RPS6KC1: variants seen among roughly 807,000 people sequenced by gnomAD.
RPS6KC1 encodes the protein ribosomal protein S6 kinase C1.
Under a neutral mutation model 103.8 loss-of-function variants are expected in RPS6KC1, and 54 were observed. That is an observed-to-expected ratio of 0.52 (90% confidence interval 0.42 to 0.65). RPS6KC1 has a LOEUF of 0.65. RPS6KC1 is among the 30% of genes least tolerant of loss of function. The probability of loss-of-function intolerance (pLI) is 0.00; values close to 1 mark genes in which losing one functional copy is unlikely to be tolerated. For missense variants in RPS6KC1, 1,151 were observed against 1,253.8 expected (o/e 0.92, Z 1.24); for synonymous variants, 439 against 438.7 (o/e 1.00, Z -0.01).
intron 8 of RPS6KC1, among the ~76,000 whole-genome samples, chr1:213,219,761 A>G (rs1438179985): frequency 6.6e-6 from 1 of 151,898 alleles, no homozygotes; most frequent in Non-Finnish European, 1.5e-5. Flanking sequence ...TTGCAACGAC[A>G]AAAACCAAAC....
At chr1:213,151,905 G>A (rs1263766249) in intron 6 of RPS6KC1, among the ~76,000 whole-genome samples, 2 of 122,412 alleles carry the variant, frequency 1.6e-5, no homozygotes, top group Non-Finnish European at 3.5e-5. Flanking sequence ...CCTCCAAGAC[G>A]GGGCGGCTGG....
chr1:213,778,075 A>G, the RPS6KC1 span, among the ~76,000 whole-genome samples: 2 of 152,140 alleles, frequency 1.3e-5, no homozygotes, highest in Non-Finnish European at 2.9e-5. Context: ...CCCAATCATA[A>G]CACGATGCCA....
chr1:213,206,213 A>G (rs139737942), intron 8 of RPS6KC1, among the ~76,000 whole-genome samples: 2 of 152,356 alleles, frequency 1.3e-5, no homozygotes, highest in East Asian at 3.9e-4. Context: ...ATTTTGAAAT[A>G]AAAGGACTAG....
chr1:213,769,362 C>T, the RPS6KC1 span, among the ~76,000 whole-genome samples: 1 of 151,990 alleles, frequency 6.6e-6, no homozygotes, highest in Non-Finnish European at 1.5e-5. Context: ...GGGAGGAGAC[C>T]CAGGAATCTG....
the RPS6KC1 span, among the ~76,000 whole-genome samples, chr1:213,305,096 C>A: frequency 6.6e-6 from 1 of 151,722 alleles, no homozygotes; most frequent in Admixed American, 6.6e-5. Flanking sequence ...CATGCAAAAT[C>A]TTTTTTTTGA....
At chr1:213,727,982 C>T in the RPS6KC1 span, among the ~76,000 whole-genome samples, 1 of 152,012 alleles carries the variant, frequency 6.6e-6, no homozygotes, top group Non-Finnish European at 1.5e-5. Flanking sequence ...CTATCAGACT[C>T]AGGAGAATGG....
At chr1:213,230,608 G>T in intron 9 of RPS6KC1, 64 bp downstream of exon 9, 8 of 1,239,728 alleles carry the variant, frequency 6.5e-6, no homozygotes, top group Non-Finnish European at 8.0e-6. Flanking sequence ...ACTGAGATAG[G>T]CAGGTCACCT....
At chr1:213,860,243 A>AT in the RPS6KC1 span, among the ~76,000 whole-genome samples, 4 of 151,550 alleles carry the variant, frequency 2.6e-5, no homozygotes, top group Admixed American at 1.3e-4. Context: ...TATTTGATAG[A>AT]TTTTTTTAAA....
the RPS6KC1 span, among the ~76,000 whole-genome samples, chr1:213,333,863 G>A: frequency 2.0e-5 from 3 of 152,114 alleles, no homozygotes; most frequent in African/African-American, 7.2e-5. Flanking sequence ...TGTATTTTTA[G>A]TAGAGAAGGG....
the RPS6KC1 span, among the ~76,000 whole-genome samples, chr1:213,549,612 CTTTTTTTTTTTTTT>C: frequency 9.1e-4 from 79 of 86,916 alleles, no homozygotes; most frequent in African/African-American, 3.7e-3. Flanking sequence ...TTTTCTTTTC[CTTTTTTTTTTTTTT>C]TTTTTTTTTT....
chr1:213,220,081 T>G (rs1242215857), intron 8 of RPS6KC1, among the ~76,000 whole-genome samples: 1 of 152,186 alleles, frequency 6.6e-6, no homozygotes, highest in Non-Finnish European at 1.5e-5. Flanking sequence ...AGATGGGATA[T>G]ATACACACAC....
At chr1:213,586,103 TC>T in the RPS6KC1 span, among the ~76,000 whole-genome samples, 1 of 152,100 alleles carries the variant, frequency 6.6e-6, no homozygotes, top group African/African-American at 2.4e-5. Context: ...TGCATTTCCC[TC>T]CCCTCCCCTC....
the RPS6KC1 span, among the ~76,000 whole-genome samples, chr1:213,308,317 A>G: frequency 0.049 from 6,173 of 126,272 alleles, 202 homozygotes; most frequent in Non-Finnish European, 0.07. Flanking sequence ...CTGTCTCCAG[A>G]AAAAAAAAAA....
the RPS6KC1 span, among the ~76,000 whole-genome samples, chr1:213,678,661 AC>A: frequency 6.6e-6 from 1 of 152,184 alleles, no homozygotes. Flanking sequence ...CAAGGGTGCT[AC>A]CTGGAAGTCT....
At chr1:213,402,978 A>AAAT in the RPS6KC1 span, among the ~76,000 whole-genome samples, 1 of 144,458 alleles carries the variant, frequency 6.9e-6, no homozygotes, top group Non-Finnish European at 1.5e-5. Context: ...AAAAAAAAAA[A>AAAT]TTAGCCAGGC....
At chr1:213,699,545 C>T in the RPS6KC1 span, among the ~76,000 whole-genome samples, 1 of 152,132 alleles carries the variant, frequency 6.6e-6, no homozygotes, top group Non-Finnish European at 1.5e-5. Context: ...ATCCAATATA[C>T]TGATTTCCTT....
the RPS6KC1 span, among the ~76,000 whole-genome samples, chr1:213,645,414 A>T: frequency 2.6e-5 from 4 of 152,192 alleles, no homozygotes; most frequent in African/African-American, 4.8e-5. Context: ...CACAGGGATA[A>T]CAACACTAGT....
chr1:213,186,147 A>G (rs1558498560), intron 8 of RPS6KC1, among the ~76,000 whole-genome samples: 1 of 151,596 alleles, frequency 6.6e-6, no homozygotes, highest in Non-Finnish European at 1.5e-5. Flanking sequence ...ACAGTAGTAT[A>G]GGATTCTGGG....
At chr1:213,842,154 T>A in the RPS6KC1 span, 5 of 152,362 alleles carry the variant, frequency 3.3e-5, no homozygotes, top group African/African-American at 4.8e-5. Flanking sequence ...TTTCATACAG[T>A]CACATAGTCC....
Sources: allele counts gnomAD v4.1 joint callset (sites outside exome capture counted in the v4.1 genomes callset), GRCh38; gene constraint gnomAD v4.1.1; transcripts MANE v1.5; gene names NCBI Gene and HGNC (gene_info 2026-07-23, HGNC 2026-07-21).